Variants in LY6G5B observed in about 807,000 individuals in gnomAD.
The protein encoded by LY6G5B is lymphocyte antigen 6 complex locus protein G5b.
A neutral mutation model predicts 6.7 loss-of-function variants in LY6G5B; 6 were observed. That is an observed-to-expected ratio of 0.89 (90% CI 0.49 to 1.76). LY6G5B has a LOEUF of 1.76. LY6G5B is among the 40% of genes most tolerant of loss of function. The pLI is 0.01. For missense variants in LY6G5B, 240 were observed against 249.5 expected (o/e 0.96, Z 0.26); for synonymous variants, 98 against 99.4 (o/e 0.99, Z 0.09).
At position 31,670,643 on chromosome 6, in the gene LY6G5B, A is replaced by G. The variant is rs996961010; in HGVS notation, c.-308A>G. 4 of 415,554 alleles carry G rather than the reference A, an allele frequency of 9.6e-6. No homozygotes were observed. The highest frequency in any genetic ancestry group is 1.7e-5 in the Non-Finnish European group (4 of 233,192). The allele number at this position is 415,554 out of a possible 1,614,324, so 25.7% of individuals were successfully genotyped here. A position where few individuals can be genotyped will look rare whatever the true frequency, so the allele number is the denominator to read the frequency against. On this transcript the variant is annotated 5_prime_UTR_variant, in exon 1 of 3. The change abolishes an upstream ATG in the 5' untranslated region. Coordinates refer to ENST00000375864, the Ensembl canonical transcript of LY6G5B. ...GGGAGGGAATAGGTCTTTGGAGGGT[A>G]TGCAAGACAAAGGTAGACACTGGAT...
In LY6G5B at chr6:31,671,363, C is replaced by T. The variant is rs1802203176; in HGVS notation, c.187+79C>T. 6 of 1,594,222 alleles carry T rather than the reference C, an allele frequency of 3.8e-6. No individual in the cohort carries two copies. In the Admixed American group the frequency reaches 5.0e-5, roughly 13 times the overall value. The stretch of plus-strand genomic sequence containing the variant: ...TCTCTCCTCTCACAGATCAGGGCTG[C>T]TCCGGGCATGGGGTACAAGAAGAGA... On this transcript the variant is annotated intron_variant, in intron 2 of 2. Transcript: ENST00000375864.
rs41267070 is a variant in LY6G5B at position 31,672,538 on chromosome 6, G to A, written c.*256G>A. On this transcript the variant is annotated 3_prime_UTR_variant, in exon 3 of 3. Coordinates refer to ENST00000375864, the Ensembl canonical transcript of LY6G5B. ...CTGCTCACTACAACCTCCACCTCCC[G>A]GGTTCCAGCGATTCTCCTGCCTCAG... 6.8e-4 allele frequency: 343 copies of A among 503,194 alleles called. 8 individuals carry two copies. In the Admixed American group the frequency reaches 8.5e-3, roughly 12 times the overall value. The allele number at this position is 503,194 out of a possible 1,614,324, so 31.2% of individuals were successfully genotyped here. A position where few individuals can be genotyped will look rare whatever the true frequency, so the allele number is the denominator to read the frequency against.
At chr6:31,671,089 G>T in intron 1 of LY6G5B, 67 bp from the exon 2 acceptor site, 1 of 1,611,580 alleles carries the variant, frequency 6.2e-7, no homozygotes, top group Non-Finnish European at 8.5e-7. Flanking sequence ...TGGATAATCG[G>T]GCTTCCTACT....
chr6:31,672,384 G>C, exon 3 of LY6G5B: 1 of 1,254,130 alleles, frequency 8.0e-7, no homozygotes, highest in Non-Finnish European at 1.1e-6. Context: ...TTAGGCCTCC[G>C]TCTGTTGTAC....
chr6:31,670,732 G>T, exon 1 of LY6G5B: 1 of 555,694 alleles, frequency 1.8e-6, no homozygotes. Context: ...TCAGGAACCA[G>T]ACGTTGTGGG....
chr6:31,670,625 A>G (rs961320168), exon 1 of LY6G5B: 3 of 368,320 alleles, frequency 8.1e-6, no homozygotes, highest in Non-Finnish European at 1.5e-5. Context: ...CAAGGGAGGG[A>G]ATAGGTCTTT....
At chr6:31,671,984 A>C in exon 3 of LY6G5B, 2 of 1,612,992 alleles carry the variant, frequency 1.2e-6, no homozygotes, top group Non-Finnish European at 1.7e-6. Flanking sequence ...CAGTACGATT[A>C]TTGCAACTCC....
chr6:31,672,195 T>C (rs1802282962), exon 3 of LY6G5B: 1 of 1,612,846 alleles, frequency 6.2e-7, no homozygotes, highest in Admixed American at 1.7e-5. Flanking sequence ...TGTCTTTTGC[T>C]GAGCTGCGCC....
At chr6:31,673,093 C>T (rs987755866) in exon 3 of LY6G5B, 4 of 152,024 alleles carry the variant, frequency 2.6e-5, no homozygotes, top group African/African-American at 7.3e-5. Flanking sequence ...TGGTAAAACC[C>T]GCTCTCTATT....
In LY6G5B at chr6:31,670,580, T is replaced by C. The variant is rs1802137031; in HGVS notation, c.-371T>C. On this transcript the variant is annotated 5_prime_UTR_variant, in exon 1 of 3. It removes an upstream start codon present in the reference 5' UTR. Coordinates refer to ENST00000375864, the Ensembl canonical transcript of LY6G5B. ...CCTGTTGTATGACGAAGACAGCACA[T>C]GGTGGCAGAGATAGATACTAACCCA... is the stretch of plus-strand genomic sequence containing the variant. 4.1e-6 allele frequency: 1 copy of C among 244,090 alleles called. No individual in the cohort carries two copies. 15.1% of individuals were successfully genotyped at this position (244,090 alleles called of 1,614,324 possible).
At chr6:31,671,277 C>G (rs1303930005) in exon 2 of LY6G5B, 2 of 1,613,370 alleles carry the variant, frequency 1.2e-6, no homozygotes, top group Admixed American at 3.3e-5. Context: ...TGATCACCAT[C>G]TATTATGGTA....
At chr6:31,672,120 T>C in exon 3 of LY6G5B, 1 of 1,613,100 alleles carries the variant, frequency 6.2e-7, no homozygotes. Context: ...CCCTCCCCAA[T>C]TTCCATGCTG....
exon 3 of LY6G5B, chr6:31,672,436 A>T: frequency 1.2e-6 from 1 of 856,256 alleles, no homozygotes; most frequent in Non-Finnish European, 1.8e-6. Flanking sequence ...TCTCTCTTGA[A>T]CTCTGGTGCT....
At chr6:31,671,259 G>A (rs761802901) in exon 2 of LY6G5B, 1 of 1,613,736 alleles carries the variant, frequency 6.2e-7, no homozygotes, top group South Asian at 1.1e-5. Flanking sequence ...GCTCATCCCT[G>A]TGCATGGTGA....
At position 31,671,959 on chromosome 6, in the gene LY6G5B, C is replaced by T. The variant is rs2151194046; in HGVS notation, c.283C>T (p.Gln95Ter). 6.2e-7 allele frequency: 1 copy of T among 1,613,100 alleles called. No individual in the cohort carries two copies. Among genetic ancestry groups the T allele is most frequent in the East Asian group, 2.2e-5 (1 of 44,888 alleles). ...CACCTACTTTGCAGAGTACTGGTATCAGGCCCAGTGCTGTCAGTACGATTA... is the reference window on the plus strand; with the variant it reads ...CACCTACTTTGCAGAGTACTGGTATTAGGCCCAGTGCTGTCAGTACGATTA... The change falls in exon 3 of 3, where the codon CAG becomes TAG. Residue 95 changes from glutamine to a stop codon, truncating the protein, a stop_gained. Coordinates refer to ENST00000375864, the Ensembl canonical transcript of LY6G5B. LOFTEE classifies it low-confidence loss of function (END_TRUNC).
chr6:31,672,802 C>T (rs1374781845), exon 3 of LY6G5B: 1 of 157,568 alleles, frequency 6.3e-6, no homozygotes, highest in Non-Finnish European at 1.4e-5. Flanking sequence ...TCTGCCCAGA[C>T]AGGCTGACCT....
At chr6:31,673,395 CTT>C (rs1190954334) in exon 3 of LY6G5B, 1 of 152,838 alleles carries the variant, frequency 6.5e-6, no homozygotes, top group South Asian at 2.1e-4. Flanking sequence ...CTCTTGCTCT[CTT>C]GTCAGTCTCT....
rs151192215 is a variant in LY6G5B at position 31,672,206 on chromosome 6, G to A, written c.530G>A (p.Arg177His). Residue 177 changes from arginine (R) to histidine (H), a missense_variant, in exon 3 of 3, where the codon CGC becomes CAC. By Grantham distance (29) the Arg-to-His change is conservative. Transcript: ENST00000375864. ...GGCTTGTCTTTTGCTGAGCTGCGCCGCATGTACTTGTTCCTCAATAGTTCA... is the reference window on the plus strand; with the variant it reads ...GGCTTGTCTTTTGCTGAGCTGCGCCACATGTACTTGTTCCTCAATAGTTCA... 6.2e-5 allele frequency: 100 copies of A among 1,612,978 alleles called. No homozygotes were observed. The highest frequency in any genetic ancestry group is 3.5e-4 in the South Asian group (32 of 91,092).
chr6:31,672,504 G>T (rs1364665103), exon 3 of LY6G5B: 8 of 604,764 alleles, frequency 1.3e-5, no homozygotes, highest in Non-Finnish European at 2.0e-5. Context: ...GAGTGCAGTG[G>T]CATGATCTCT....
Sources: allele counts gnomAD v4.1 joint callset, GRCh38; gene constraint gnomAD v4.1.1; transcripts MANE v1.5; gene names NCBI Gene and HGNC (gene_info 2026-07-23, HGNC 2026-07-21).